PRR7: variants seen among roughly 807,000 people sequenced by gnomAD.
The protein encoded by PRR7 is proline-rich protein 7.
A neutral mutation model predicts 18.5 loss-of-function variants in PRR7; 8 were observed. That is an observed-to-expected ratio of 0.43 (90% CI 0.25 to 0.78). The LOEUF (loss-of-function observed/expected upper bound fraction) is 0.78. Among genes scored for constraint, PRR7 ranks in the 30% least tolerant of loss-of-function variants. The pLI is 0.22. For missense variants in PRR7, 396 were observed against 403.1 expected, an observed-to-expected ratio of 0.98 and a Z score of 0.15; for synonymous variants, 221 against 187.7, an observed-to-expected ratio of 1.18 and a Z score of -1.45.
At position 177,450,107 on chromosome 5, in the gene PRR7, C is replaced by T. The variant is rs912102678; in HGVS notation, c.-325+3147C>T. On this transcript the variant is annotated intron_variant, in intron 1 of 3. Transcript: ENST00000323249. This position sits in a 1 kb window ranked among gnomAD's most constrained non-coding sequence, Gnocchi z 6.6. ...TGTCTGTAGAGAGAACAGCAGCCAC[C>T]TCCTGAGTTTTCCTTAGATAACTAG... Among the ~76,000 whole-genome samples the T allele has an allele frequency of 6.6e-6, 1 of 152,172 alleles. No individual in the cohort carries two copies. Among genetic ancestry groups the T allele is most frequent in the African/African-American group, 2.4e-5 (1 of 41,434 alleles).
At chr5:177,447,259 C>T (rs1755938175) in intron 1 of PRR7, among the ~76,000 whole-genome samples, 2 of 152,024 alleles carry the variant, frequency 1.3e-5, no homozygotes, top group South Asian at 2.1e-4. Context: ...CCCCCTCCCC[C>T]TCCCTCCCCC....
In PRR7 at chr5:177,449,275, C is replaced by T. The variant is rs1441156833; in HGVS notation, c.-325+2315C>T. Among the ~76,000 whole-genome samples, 1 of 152,244 alleles carries T rather than the reference C, an allele frequency of 6.6e-6. No homozygotes were observed. Among genetic ancestry groups the T allele is most frequent in the African/African-American group, 2.4e-5 (1 of 41,464 alleles). Reference sequence around the variant, plus strand: ...ACCGCAGGTTTTGCTGGGCCGCCTCCAGGCTGTGTACACTGTGACACCAGG... The same window carrying T: ...ACCGCAGGTTTTGCTGGGCCGCCTCTAGGCTGTGTACACTGTGACACCAGG... On this transcript the variant is annotated intron_variant, in intron 1 of 3. Transcript: ENST00000323249. This position sits in a 1 kb window ranked among gnomAD's most constrained non-coding sequence, Gnocchi z 4.2.
In PRR7 at chr5:177,451,113, G is replaced by T. The variant is rs923054436; in HGVS notation, c.-324-2843G>T. On this transcript the variant is annotated intron_variant, in intron 1 of 3. Coordinates refer to ENST00000323249, the MANE Select transcript of PRR7 (RefSeq NM_030567.5). ...AATGCCACCCTGCAGAGGATGCGGCGGACGGAAGGAATGGTAGGCTCTTTG... is the reference window on the plus strand; with the variant it reads ...AATGCCACCCTGCAGAGGATGCGGCTGACGGAAGGAATGGTAGGCTCTTTG... 4.6e-5 allele frequency among the ~76,000 whole-genome samples: 7 copies of T among 152,222 alleles called. No individual in the cohort carries two copies. In the South Asian group the frequency reaches 1.4e-3, roughly 31 times the overall value.
Position 177,453,970 on chromosome 5 carries a change from C to T in PRR7, c.-310C>T, listed in dbSNP as rs1019445685. 4 of 152,328 alleles carry T rather than the reference C, an allele frequency of 2.6e-5. No individual in the cohort carries two copies. Among genetic ancestry groups the T allele is most frequent in the Non-Finnish European group, 4.4e-5 (3 of 68,098 alleles). The allele number at this position is 152,328 out of a possible 1,614,324, so 9.4% of individuals were successfully genotyped here. ...CTCCCTCTTAGGGTGCAAGGTTCCC[C>T]CTCTCACCCGCAGCTGTGGAGAGGA... On this transcript the variant is annotated 5_prime_UTR_variant, in exon 2 of 4. Coordinates refer to ENST00000323249, the MANE Select transcript of PRR7 (RefSeq NM_030567.5).
Position 177,450,364 on chromosome 5 carries a change from C to T in PRR7, c.-325+3404C>T, listed in dbSNP as rs1220876442. 6.6e-6 allele frequency among the ~76,000 whole-genome samples: 1 copy of T among 152,188 alleles called. No homozygotes were observed. Among genetic ancestry groups the T allele is most frequent in the African/African-American group, 2.4e-5 (1 of 41,448 alleles). ...CCGTACAGCCTTTTCCTTTGATTCA[C>T]GTAGACACATGGGGTCTCCACTTGC... On this transcript the variant is annotated intron_variant, in intron 1 of 3. Coordinates refer to ENST00000323249, the MANE Select transcript of PRR7 (RefSeq NM_030567.5). The surrounding 1 kb of genome is among the most constrained non-coding windows in gnomAD (Gnocchi z 6.6).
chr5:177,453,250 C>T (rs946261643), intron 1 of PRR7, among the ~76,000 whole-genome samples: 3 of 152,238 alleles, frequency 2.0e-5, no homozygotes, highest in Admixed American at 2.0e-4. Context: ...GCTGTTCCTG[C>T]CTGGCAGACC....
Position 177,449,269 on chromosome 5 carries a change from C to A in PRR7, c.-325+2309C>A, listed in dbSNP as rs781515134. 1.3e-5 allele frequency among the ~76,000 whole-genome samples: 2 copies of A among 152,214 alleles called. No homozygotes were observed. The highest frequency in any genetic ancestry group is 4.8e-5 in the African/African-American group (2 of 41,456). ...AAAGGGACCGCAGGTTTTGCTGGGC[C>A]GCCTCCAGGCTGTGTACACTGTGAC... On this transcript the variant is annotated intron_variant, in intron 1 of 3. Transcript: ENST00000323249. The surrounding 1 kb of genome is among the most constrained non-coding windows in gnomAD (Gnocchi z 4.2).
chr5:177,453,056 T>C (rs894270781), intron 1 of PRR7, among the ~76,000 whole-genome samples: 1 of 152,250 alleles, frequency 6.6e-6, no homozygotes, highest in Non-Finnish European at 1.5e-5. Flanking sequence ...CCTCCCCTTC[T>C]GAGCTGTGTG....
Position 177,450,323 on chromosome 5 carries a change from G to A in PRR7, c.-325+3363G>A, listed in dbSNP as rs1176096530. Reference sequence around the variant, plus strand: ...GGATTTTCCATCCCCACCCCCCAGAGCCCTGGTGTGTGCCTCCGTACAGCC... The same window carrying A: ...GGATTTTCCATCCCCACCCCCCAGAACCCTGGTGTGTGCCTCCGTACAGCC... On this transcript the variant is annotated intron_variant, in intron 1 of 3. Coordinates refer to ENST00000323249, the MANE Select transcript of PRR7 (RefSeq NM_030567.5). The surrounding 1 kb of genome is among the most constrained non-coding windows in gnomAD (Gnocchi z 6.6). Among the ~76,000 whole-genome samples, 1 of 152,120 alleles carries A rather than the reference G, an allele frequency of 6.6e-6. No individual in the cohort carries two copies. Among genetic ancestry groups the A allele is most frequent in the Non-Finnish European group, 1.5e-5 (1 of 68,026 alleles).
chr5:177,452,468 G>A (rs1210153906), intron 1 of PRR7, among the ~76,000 whole-genome samples: 1 of 152,236 alleles, frequency 6.6e-6, no homozygotes, highest in Non-Finnish European at 1.5e-5. Flanking sequence ...AACCTCTGAT[G>A]TTTATGTATT....
intron 1 of PRR7, among the ~76,000 whole-genome samples, chr5:177,448,811 C>T (rs1004936742): frequency 3.3e-5 from 5 of 152,256 alleles, no homozygotes; most frequent in Admixed American, 1.3e-4. Flanking sequence ...CTGGGAAAAC[C>T]CCAAGCCCTG....
At position 177,454,949 on chromosome 5, in the gene PRR7, C is replaced by T. The variant is rs1441091595; in HGVS notation, c.-119C>T. ...CTTGAGACCTGCCACGGGCAGCCCC[C>T]GGCCGCGGGTCCCCGAGTGACGCTG... On this transcript the variant is annotated 5_prime_UTR_variant, in exon 3 of 4. Coordinates refer to ENST00000323249, the MANE Select transcript of PRR7 (RefSeq NM_030567.5). This position sits in a 1 kb window ranked among gnomAD's most constrained non-coding sequence, Gnocchi z 4.7. 4.6e-6 allele frequency: 6 copies of T among 1,291,250 alleles called. No homozygotes were observed. The Admixed American group carries it at 1.0e-4, about 22-fold the overall frequency. 80.0% of individuals were successfully genotyped at this position (1,291,250 alleles called of 1,614,324 possible).
At chr5:177,448,699 A>G (rs1453753568) in intron 1 of PRR7, among the ~76,000 whole-genome samples, 4 of 152,016 alleles carry the variant, frequency 2.6e-5, no homozygotes, top group Non-Finnish European at 5.9e-5. Flanking sequence ...GCTCCCCCAG[A>G]TGCATTATAG....
At chr5:177,452,117 A>C (rs1361000483) in intron 1 of PRR7, among the ~76,000 whole-genome samples, 4 of 152,234 alleles carry the variant, frequency 2.6e-5, no homozygotes, top group Non-Finnish European at 5.9e-5. Context: ...ACCCTAAAAC[A>C]TGTTCAAATA....
At position 177,454,431 on chromosome 5, in the gene PRR7, C is replaced by T. The variant is rs903166955; in HGVS notation, c.-240+391C>T. ...TGTCTGTGGGGCTCTAGGAGATGTA[C>T]CACCCTTTCCCCGCCGCACAGCAAC... On this transcript the variant is annotated intron_variant, in intron 2 of 3. Coordinates refer to ENST00000323249, the MANE Select transcript of PRR7 (RefSeq NM_030567.5). This position sits in a 1 kb window ranked among gnomAD's most constrained non-coding sequence, Gnocchi z 4.7. 2.0e-5 allele frequency among the ~76,000 whole-genome samples: 3 copies of T among 152,192 alleles called. No individual in the cohort carries two copies. Among genetic ancestry groups the T allele is most frequent in the Non-Finnish European group, 4.4e-5 (3 of 68,016 alleles).
chr5:177,455,794 T>C lies in PRR7; in HGVS notation c.498T>C (p.Tyr166=), dbSNP rs1464390218. 7 of 1,611,596 alleles carry C rather than the reference T, an allele frequency of 4.3e-6. No homozygotes were observed. The highest frequency in any genetic ancestry group is 5.1e-6 in the Non-Finnish European group (6 of 1,179,556). Residue 166 remains tyrosine (Y), a synonymous_variant, in exon 4 of 4, where the codon TAT becomes TAC. Transcript: ENST00000323249. The surrounding 1 kb of genome is among the most constrained non-coding windows in gnomAD (Gnocchi z 6.9). ...TGATGGCAGAGCCGCCGCCGCCCTATAGCGAGGTGCTCACGGACACGCGCG... is the reference window on the plus strand; with the variant it reads ...TGATGGCAGAGCCGCCGCCGCCCTACAGCGAGGTGCTCACGGACACGCGCG... ...AVLMAEPPPP[Y]SEVLTDTRGL... is the part of the protein sequence containing the mutation.
intron 1 of PRR7, among the ~76,000 whole-genome samples, chr5:177,453,582 G>A (rs766807650): frequency 6.6e-6 from 1 of 152,142 alleles, no homozygotes; most frequent in African/African-American, 2.4e-5. Context: ...CCCAGCCTGG[G>A]GCTCAGGCTC....
In PRR7 at chr5:177,455,257, A is replaced by G. The variant is rs1756353195; in HGVS notation, c.190A>G (p.Ser64Gly). 1.3e-6 allele frequency: 2 copies of G among 1,540,080 alleles called. No individual in the cohort carries two copies. Among genetic ancestry groups the G allele is most frequent in the African/African-American group, 1.4e-5 (1 of 70,642 alleles). ...GCTGGAGCCCCTCGAACTCGAGGGC[A>G]GTCTGGCCGGGAGCCCCCCGGGCCT... ...LELEPLELEG[S>G]LAGSPPGLAP... The change falls in exon 3 of 4, where the codon AGT (serine) becomes GGT (glycine). Residue 64 changes from serine (S) to glycine (G), a missense_variant. By Grantham distance (56) the Ser-to-Gly change is moderately conservative (BLOSUM62 0). Coordinates refer to ENST00000323249, the MANE Select transcript of PRR7 (RefSeq NM_030567.5). The surrounding 1 kb of genome is among the most constrained non-coding windows in gnomAD (Gnocchi z 6.9).
intron 1 of PRR7, among the ~76,000 whole-genome samples, chr5:177,453,084 C>T (rs2630764): frequency 0.48 from 73,039 of 152,076 alleles, 18,125 homozygotes; most frequent in Non-Finnish European, 0.56. Context: ...GCAAGTCATT[C>T]CCCTCTCTGA....
Sources: gnomAD v4.1 joint callset for allele counts (sites outside exome capture counted in the v4.1 genomes callset) on GRCh38, gnomAD v4.1.1 for gene constraint, Gnocchi (gnomAD v3.1) non-coding constraint, MANE v1.5 for transcripts, NCBI Gene and HGNC (gene_info 2026-07-23, HGNC 2026-07-21) for gene names.